Variants in GLB1 observed in about 807,000 individuals in gnomAD.
GLB1 encodes the protein beta-galactosidase.
GLB1 carries 56 observed loss-of-function variants against 74.0 expected under a neutral mutation model. The ratio of observed to expected loss-of-function variants is 0.76; its 90% confidence interval spans 0.61 to 0.94. The LOEUF (loss-of-function observed/expected upper bound fraction) is 0.94, where lower values mean the gene tolerates loss of function less well. GLB1 is among the 40% of genes least tolerant of loss of function. The pLI, the probability that GLB1 is intolerant of heterozygous loss-of-function variation, is 0.00. For synonymous variants in GLB1, 323 were observed against 323.6 expected (o/e 1.00, Z 0.02); for missense variants, 787 against 845.5 (o/e 0.93, Z 0.86).
intron 9 of GLB1, among the ~76,000 whole-genome samples, chr3:33,050,584 A>G (rs1166165659): frequency 6.6e-6 from 1 of 152,204 alleles, no homozygotes; most frequent in Non-Finnish European, 1.5e-5. Context: ...GAATTGGCAA[A>G]CCCACAGGGA....
chr3:32,964,745 AG>A, the GLB1 span, among the ~76,000 whole-genome samples: 1 of 152,212 alleles, frequency 6.6e-6, no homozygotes. Context: ...GACTTGTTCA[AG>A]AATGTTGGTA....
intron 10 of GLB1, among the ~76,000 whole-genome samples, chr3:33,032,535 C>T (rs1698095557): frequency 1.3e-5 from 2 of 152,094 alleles, no homozygotes; most frequent in Non-Finnish European, 2.9e-5. Flanking sequence ...TGTGTTCAGT[C>T]AATCACCAAA....
intron 1 of GLB1, among the ~76,000 whole-genome samples, chr3:33,080,990 G>A (rs757173993): frequency 6.6e-6 from 1 of 152,216 alleles, no homozygotes; most frequent in African/African-American, 2.4e-5. Flanking sequence ...GTGGGACCGG[G>A]AGGAGGCATG....
At chr3:33,034,252 C>A in intron 10 of GLB1, 1 of 678,906 alleles carries the variant, frequency 1.5e-6, no homozygotes. Context: ...GGGCCATCTT[C>A]CTGCTGACTT....
At chr3:32,987,928 T>TA in the GLB1 span, among the ~76,000 whole-genome samples, 3 of 152,136 alleles carry the variant, frequency 2.0e-5, no homozygotes, top group African/African-American at 7.2e-5. Context: ...CTCATGCCTG[T>TA]AATCCCAGGA....
chr3:33,058,964 AGG>A lies in GLB1; in HGVS notation c.553-697_553-696del, dbSNP rs573655260. Among the ~76,000 whole-genome samples the A allele has an allele frequency of 5.6e-3, 854 of 152,318 alleles. 6 individuals carry two copies. The highest frequency in any genetic ancestry group is 0.019 in the African/African-American group (801 of 41,562). On this transcript the variant is annotated intron_variant, in intron 5 of 15. Coordinates refer to ENST00000307363, the MANE Select transcript of GLB1 (RefSeq NM_000404.4). The stretch of plus-strand genomic sequence containing the variant: ...TCAACCAGGAGCTCTTTAGCCCCAC[AGG>A]GGACATGTGGCTATGTCTGGAAATG...
chr3:33,021,094 T>C (rs1412845248), intron 12 of GLB1, among the ~76,000 whole-genome samples: 1 of 70,320 alleles, frequency 1.4e-5, no homozygotes, highest in Non-Finnish European at 3.2e-5. Context: ...ATACAAACAC[T>C]GAAAAAAAAA....
chr3:33,051,474 T>G (rs1379045843), intron 9 of GLB1, among the ~76,000 whole-genome samples: 1 of 150,792 alleles, frequency 6.6e-6, no homozygotes, highest in Non-Finnish European at 1.5e-5. Context: ...GGTGCATGCC[T>G]GTAATCCCAT....
At position 33,093,149 on chromosome 3, in the gene GLB1, C is replaced by T; in HGVS notation, c.75+3862G>A. 6.2e-7 allele frequency: 1 copy of T among 1,614,210 alleles called. No individual in the cohort carries two copies. The highest frequency in any genetic ancestry group is 8.5e-7 in the Non-Finnish European group (1 of 1,180,044). ...AGCCCTCCAGGGCCTTGTCAAGATC[C>T]ATGCCATGGCCAGAGTAGTGCAGGA... On this transcript the variant is annotated intron_variant, in intron 1 of 15. Transcript: ENST00000307363. The surrounding 1 kb of genome is among the most constrained non-coding windows in gnomAD (Gnocchi z 6.0).
chr3:33,011,471 A>T (rs1575407810), intron 15 of GLB1, among the ~76,000 whole-genome samples: 1 of 150,700 alleles, frequency 6.6e-6, no homozygotes, highest in South Asian at 2.1e-4. Context: ...AAAAATAAAA[A>T]ATAAAATAAA....
In GLB1 at chr3:33,097,053, C is replaced by G; in HGVS notation, c.33G>C (p.Leu11=). 4 of 1,612,030 alleles carry G rather than the reference C, an allele frequency of 2.5e-6. No individual in the cohort carries two copies. Among genetic ancestry groups the G allele is most frequent in the Non-Finnish European group, 3.4e-6 (4 of 1,178,664 alleles). The change falls in exon 1 of 16, where the codon CTG becomes CTC. Residue 11 remains leucine (L), a synonymous_variant. Transcript: ENST00000307363. MPGFLVRILP[L]LLVLLLLGPT... ...GGCCCAGAAGCAGCAGAACCAGCAA[C>G]AGAGGGAGGATGCGAACCAGGAACC...
chr3:33,049,092 A>C (rs557681361), intron 9 of GLB1, among the ~76,000 whole-genome samples: 2 of 152,304 alleles, frequency 1.3e-5, no homozygotes, highest in Non-Finnish European at 2.9e-5. Flanking sequence ...ATTTTTAAAA[A>C]ATTGTGTCAT....
downstream of GLB1, among the ~76,000 whole-genome samples, chr3:32,993,050 G>GT (rs1376115586): frequency 6.6e-6 from 1 of 152,162 alleles, no homozygotes; most frequent in Admixed American, 6.5e-5. Context: ...GACCAGTCAG[G>GT]ATCCCTCAGA....
intron 10 of GLB1, among the ~76,000 whole-genome samples, chr3:33,042,516 C>T (rs1386095967): frequency 1.3e-5 from 2 of 151,854 alleles, no homozygotes; most frequent in South Asian, 2.1e-4. Context: ...TACAGGCGCC[C>T]GCCACTATGC....
At position 33,045,725 on chromosome 3, in the gene GLB1, G is replaced by A. The variant is rs187040312; in HGVS notation, c.1068+395C>T. ...GCCTTAATAGGGGCTATAGTCTCAAGAGGATCTGTGCATTCTCTCCCATCA... is the reference window on the plus strand; with the variant it reads ...GCCTTAATAGGGGCTATAGTCTCAAAAGGATCTGTGCATTCTCTCCCATCA... On this transcript the variant is annotated intron_variant, in intron 10 of 15. Coordinates refer to ENST00000307363, the MANE Select transcript of GLB1 (RefSeq NM_000404.4). The A allele has an allele frequency of 1.9e-5, 21 of 1,132,016 alleles. No homozygotes were observed. In the African/African-American group the frequency reaches 3.4e-4, roughly 18 times the overall value. The allele number at this position is 1,132,016 out of a possible 1,614,324, so 70.1% of individuals were successfully genotyped here. A position where few individuals can be genotyped will look rare whatever the true frequency, so the allele number is the denominator to read the frequency against.
chr3:33,051,234 A>T (rs1348122527), intron 9 of GLB1, among the ~76,000 whole-genome samples: 1 of 60,364 alleles, frequency 1.7e-5, no homozygotes, highest in East Asian at 9.4e-4. Context: ...ACTGCGTCTC[A>T]AAAAAAAAAA....
intron 1 of GLB1, chr3:33,077,496 G>A (rs982737730): frequency 5.5e-6 from 4 of 723,018 alleles, no homozygotes; most frequent in African/African-American, 5.4e-5. Flanking sequence ...TACTAAAAAG[G>A]GAACCTCCCA....
At chr3:32,997,387 G>T in intron 15 of GLB1, 43 bp from the exon 16 acceptor site, 1 of 1,609,406 alleles carries the variant, frequency 6.2e-7, no homozygotes, top group South Asian at 1.1e-5. Flanking sequence ...CAGATGCACC[G>T]AAAGCCCTGA....
intron 1 of GLB1, among the ~76,000 whole-genome samples, chr3:33,074,384 G>GAAAGAAAGAAAGAAA (rs1483456254): frequency 8.2e-6 from 1 of 121,928 alleles, no homozygotes; most frequent in Non-Finnish European, 1.9e-5. Flanking sequence ...AAGGAAGGAA[G>GAAAGAAAGAAAGAAA]GAAGGAAGAA....
Sources: gnomAD v4.1 joint callset for allele counts (sites outside exome capture counted in the v4.1 genomes callset) on GRCh38, gnomAD v4.1.1 for gene constraint, Gnocchi (gnomAD v3.1) non-coding constraint, MANE v1.5 for transcripts, NCBI Gene and HGNC (gene_info 2026-07-23, HGNC 2026-07-21) for gene names.